The following PIGK variants were observed in gnomAD, a reference collection of about 807,000 sequenced individuals.
PIGK encodes phosphatidylinositol glycan anchor biosynthesis class K.
Under a neutral mutation model 50.6 loss-of-function variants are expected in PIGK, and 42 were observed. The observed-to-expected ratio is 0.83, with a 90% CI of 0.65 to 1.07. The LOEUF is 1.07. Ranked by LOEUF, PIGK falls within the 50% of genes least tolerant of loss-of-function variation. The pLI is 0.00. For missense variants in PIGK, 448 were observed against 488.7 expected, an observed-to-expected ratio of 0.92 and a Z score of 0.78; for synonymous variants, 151 against 156.0, an observed-to-expected ratio of 0.97 and a Z score of 0.24.
intron 10 of PIGK, among the ~76,000 whole-genome samples, chr1:77,096,890 T>TTGTTTTTTTG (rs55998222): frequency 6.8e-6 from 1 of 148,058 alleles, no homozygotes; most frequent in Non-Finnish European, 1.5e-5. Flanking sequence ...TCTTTTTTTT[T>TTGTTTTTTTG]TTTTTTTGTT....
intron 9 of PIGK, among the ~76,000 whole-genome samples, chr1:77,147,640 C>G (rs982029514): frequency 6.6e-6 from 1 of 152,108 alleles, no homozygotes; most frequent in Non-Finnish European, 1.5e-5. Context: ...AGAATTACCA[C>G]CAGATTCAAA....
intron 1 of PIGK, among the ~76,000 whole-genome samples, chr1:77,213,626 T>A (rs1470734071): frequency 6.6e-6 from 1 of 151,980 alleles, no homozygotes; most frequent in East Asian, 1.9e-4. Flanking sequence ...AGATTTAACC[T>A]AATAACACAT....
At chr1:77,131,858 C>G (rs956187276) in intron 9 of PIGK, among the ~76,000 whole-genome samples, 1 of 152,002 alleles carries the variant, frequency 6.6e-6, no homozygotes, top group African/African-American at 2.4e-5. Context: ...TCTTCATTCT[C>G]TCTGTCTTGT....
At chr1:77,204,784 T>C (rs1656252449) in intron 3 of PIGK, among the ~76,000 whole-genome samples, 1 of 151,692 alleles carries the variant, frequency 6.6e-6, no homozygotes, top group Non-Finnish European at 1.5e-5. Flanking sequence ...ATAAATATTT[T>C]ACTTTTAAAA....
intron 9 of PIGK, among the ~76,000 whole-genome samples, chr1:77,124,565 CGCCA>C (rs1357126718): frequency 6.6e-6 from 1 of 151,254 alleles, no homozygotes; most frequent in Non-Finnish European, 1.5e-5. Context: ...GCCAAGACTG[CGCCA>C]CTGCACTCCA....
intron 3 of PIGK, chr1:77,194,978 C>G: frequency 3.1e-6 from 2 of 639,934 alleles, no homozygotes; most frequent in Non-Finnish European, 5.9e-6. Context: ...AGCAGAGGAT[C>G]ACGTGGAAGC....
At chr1:77,116,752 T>C (rs1167807003) in intron 10 of PIGK, among the ~76,000 whole-genome samples, 1 of 152,188 alleles carries the variant, frequency 6.6e-6, no homozygotes, top group African/African-American at 2.4e-5. Flanking sequence ...GTTCACACCA[T>C]GCTGCTGATG....
chr1:77,178,912 T>A (rs11162284), intron 3 of PIGK, among the ~76,000 whole-genome samples: 35,627 of 152,132 alleles, frequency 0.23, 5,131 homozygotes, highest in Non-Finnish European at 0.32. Flanking sequence ...GTGGCACTAA[T>A]GCCGTAAGTT....
intron 3 of PIGK, among the ~76,000 whole-genome samples, chr1:77,200,879 T>A (rs1046797800): frequency 1.1e-4 from 16 of 152,128 alleles, no homozygotes; most frequent in African/African-American, 3.9e-4. Flanking sequence ...AAGGAATAAA[T>A]AAAATAATTC....
chr1:77,181,943 C>T (rs1427361647), intron 3 of PIGK, among the ~76,000 whole-genome samples: 1 of 152,140 alleles, frequency 6.6e-6, no homozygotes, highest in Non-Finnish European at 1.5e-5. Flanking sequence ...ATCTACTAAC[C>T]ACAGATGCTT....
chr1:77,105,278 G>C (rs1459467148), intron 10 of PIGK, among the ~76,000 whole-genome samples: 2 of 151,926 alleles, frequency 1.3e-5, no homozygotes, highest in Non-Finnish European at 2.9e-5. Flanking sequence ...AGCACAGGAT[G>C]GGGGTGGGGC....
intron 10 of PIGK, among the ~76,000 whole-genome samples, chr1:77,100,580 A>G (rs1350000076): frequency 6.6e-6 from 1 of 152,168 alleles, no homozygotes; most frequent in African/African-American, 2.4e-5. Flanking sequence ...CATATGAGGG[A>G]TTCTGAGGAT....
intron 1 of PIGK, among the ~76,000 whole-genome samples, chr1:77,215,966 T>C (rs1656552044): frequency 6.6e-6 from 1 of 152,064 alleles, no homozygotes; most frequent in African/African-American, 2.4e-5. Flanking sequence ...CAGAGAGACA[T>C]TCGTTAACAG....
chr1:77,154,567 G>A lies in PIGK; in HGVS notation c.868C>T (p.Leu290Phe). 1 of 1,612,652 alleles carries A rather than the reference G, an allele frequency of 6.2e-7. No homozygotes were observed. The highest frequency in any genetic ancestry group is 1.1e-5 in the South Asian group (1 of 91,018). Residue 290 changes from leucine to phenylalanine, a missense_variant, in exon 9 of 11, where the codon CTT becomes TTT. Leu to Phe is a conservative substitution (Grantham distance 22, BLOSUM62 0). Coordinates refer to ENST00000370812, the MANE Select transcript of PIGK (RefSeq NM_005482.3). ...ACATTTTTAGGATCCCTCTGAAAAA[G>A]ATCAGTGCGATGTCCAGGAGTAGAC... is the stretch of plus-strand genomic sequence containing the variant. ...CVSTPGHRTDLFQRDPKNVLI... is the reference protein window; with the variant it reads ...CVSTPGHRTDFFQRDPKNVLI...
At chr1:77,187,937 T>C (rs1292694908) in intron 3 of PIGK, among the ~76,000 whole-genome samples, 1 of 152,214 alleles carries the variant, frequency 6.6e-6, no homozygotes, top group East Asian at 1.9e-4. Context: ...ACATAAATTG[T>C]AAAGATTTCA....
intron 10 of PIGK, among the ~76,000 whole-genome samples, chr1:77,100,798 G>A (rs888777279): frequency 6.6e-6 from 1 of 152,158 alleles, no homozygotes; most frequent in Non-Finnish European, 1.5e-5. Context: ...TCAAGCGGCC[G>A]TGTTGTACGG....
At chr1:77,139,761 T>C (rs974472486) in intron 9 of PIGK, among the ~76,000 whole-genome samples, 2 of 152,220 alleles carry the variant, frequency 1.3e-5, no homozygotes, top group Admixed American at 6.5e-5. Context: ...AAAGATCTTT[T>C]TAAAATATAA....
At chr1:77,210,414 T>C (rs767862642) in intron 2 of PIGK, 22 bp downstream of exon 2, 1 of 1,496,026 alleles carries the variant, frequency 6.7e-7, no homozygotes, top group Non-Finnish European at 9.1e-7. Flanking sequence ...AACAGCAAGG[T>C]ATACTTTTAC....
intron 9 of PIGK, among the ~76,000 whole-genome samples, chr1:77,130,228 G>A (rs1407730766): frequency 6.9e-5 from 3 of 43,396 alleles, no homozygotes; most frequent in Non-Finnish European, 1.1e-4. Context: ...ATTCTATTTC[G>A]TTAATCTTTG....
Sources: allele counts gnomAD v4.1 joint callset (sites outside exome capture counted in the v4.1 genomes callset), GRCh38; gene constraint gnomAD v4.1.1; transcripts MANE v1.5; gene names NCBI Gene and HGNC (gene_info 2026-07-23, HGNC 2026-07-21).